SLC25A29: variants seen among roughly 807,000 people sequenced by gnomAD.
The protein encoded by SLC25A29 is solute carrier family 25 member 29.
A neutral mutation model predicts 10.0 loss-of-function variants in SLC25A29; 13 were observed. That is an observed-to-expected ratio of 1.30 (90% CI 0.85 to 2.07). The LOEUF (loss-of-function observed/expected upper bound fraction) is 2.07, where lower values mean the gene tolerates loss of function less well. Ranked by LOEUF, SLC25A29 falls within the 30% of genes most tolerant of loss-of-function variation. SLC25A29 has a pLI of 0.00. For missense variants in SLC25A29, 475 were observed against 447.6 expected, an observed-to-expected ratio of 1.06 and a Z score of -0.55; for synonymous variants, 244 against 221.1, an observed-to-expected ratio of 1.10 and a Z score of -0.92.
intron 3 of SLC25A29, 114 bp downstream of exon 3, chr14:100,293,180 C>T: frequency 6.8e-7 from 1 of 1,468,152 alleles, no homozygotes; most frequent in South Asian, 1.3e-5. Context: ...TCCTGACTGG[C>T]CTCCTGGTCG....
downstream of SLC25A29, among the ~76,000 whole-genome samples, chr14:100,288,277 G>A (rs1891585154): frequency 6.6e-6 from 1 of 151,274 alleles, no homozygotes; most frequent in Non-Finnish European, 1.5e-5. Flanking sequence ...AGCTTCTCAG[G>A]AGGCTGAGGC....
chr14:100,284,521 C>T, the SLC25A29 span, among the ~76,000 whole-genome samples: 1 of 152,202 alleles, frequency 6.6e-6, no homozygotes, highest in Non-Finnish European at 1.5e-5. Context: ...CCCTCAGAGC[C>T]CAGTCCTGGC....
downstream of SLC25A29, among the ~76,000 whole-genome samples, chr14:100,289,958 G>A (rs1225822332): frequency 1.3e-5 from 2 of 152,110 alleles, no homozygotes; most frequent in Non-Finnish European, 2.9e-5. Flanking sequence ...CGCTGAACTG[G>A]GAAGTGGGAG....
chr14:100,288,833 T>C (rs563628912), downstream of SLC25A29, among the ~76,000 whole-genome samples: 7 of 152,218 alleles, frequency 4.6e-5, no homozygotes, highest in Non-Finnish European at 7.4e-5. Flanking sequence ...CAGAGCCCTG[T>C]TGAAGGTTGG....
intron 1 of SLC25A29, chr14:100,299,308 T>A (rs750054602): frequency 1.3e-5 from 13 of 1,024,972 alleles, no homozygotes; most frequent in Middle Eastern, 4.8e-4. Flanking sequence ...GATTTGAATT[T>A]TCCCCCTGCC....
intron 2 of SLC25A29, chr14:100,294,144 G>T (rs780128037): frequency 4.6e-5 from 7 of 152,182 alleles, no homozygotes; most frequent in Admixed American, 2.6e-4. Flanking sequence ...AATGACCTTG[G>T]CTCCAGGAGC....
rs1398102253 is a variant in SLC25A29, at chr14:100,302,006, T to C, written c.35-3121A>G. 4.0e-5 allele frequency among the ~76,000 whole-genome samples: 6 copies of C among 151,620 alleles called. No individual in the cohort carries two copies. The East Asian group carries it at 1.2e-3, about 29-fold the overall frequency. Reference sequence around the variant, plus strand: ...TGCACAACGATGCCCTCTCCTTCAATCTTGGGGTCTCTACTCATCAACTGC... The same window carrying C: ...TGCACAACGATGCCCTCTCCTTCAACCTTGGGGTCTCTACTCATCAACTGC... On this transcript the variant is annotated intron_variant, in intron 1 of 3. Coordinates refer to ENST00000359232, the MANE Select transcript of SLC25A29 (RefSeq NM_001039355.3).
At chr14:100,298,769 TC>T in intron 2 of SLC25A29, 72 bp downstream of exon 2, 1 of 1,595,974 alleles carries the variant, frequency 6.3e-7, no homozygotes. Flanking sequence ...GAAACAGGCT[TC>T]CAGCCACCCC....
intron 2 of SLC25A29, chr14:100,295,849 C>T (rs1248795913): frequency 7.8e-7 from 1 of 1,289,766 alleles, no homozygotes; most frequent in African/African-American, 1.5e-5. Context: ...ACAACTGCTC[C>T]CTGATTATTG....
At chr14:100,301,712 T>G (rs1007469447) in intron 1 of SLC25A29, among the ~76,000 whole-genome samples, 1 of 150,132 alleles carries the variant, frequency 6.7e-6, no homozygotes, top group Non-Finnish European at 1.5e-5. Flanking sequence ...GGTTTCACCT[T>G]TGTTAGCCAG....
intron 2 of SLC25A29, chr14:100,298,543 C>T (rs1241300903): frequency 6.0e-6 from 3 of 497,290 alleles, no homozygotes; most frequent in Non-Finnish European, 1.1e-5. Flanking sequence ...TTTCAAGGAA[C>T]TGTTTGGGAG....
At chr14:100,284,845 G>A in the SLC25A29 span, among the ~76,000 whole-genome samples, 1 of 152,154 alleles carries the variant, frequency 6.6e-6, no homozygotes, top group East Asian at 1.9e-4. Context: ...TTTGAGACGA[G>A]CCTGACCAAA....
chr14:100,286,470 TG>T (rs397961103), downstream of SLC25A29, among the ~76,000 whole-genome samples: 1,558 of 80,372 alleles, frequency 0.019, 69 homozygotes, highest in African/African-American at 0.081. Flanking sequence ...AGAGCATGGC[TG>T]GGGGGGGGGG....
At chr14:100,294,245 G>C (rs374886383) in intron 2 of SLC25A29, 1 of 152,262 alleles carries the variant, frequency 6.6e-6, no homozygotes, top group East Asian at 1.9e-4. Context: ...AACCTCCTTG[G>C]GGACCCACGT....
In SLC25A29 at chr14:100,292,130, A is replaced by C. The variant is rs1295888931; in HGVS notation, c.*153T>G. 1 of 1,031,702 alleles carries C rather than the reference A, an allele frequency of 9.7e-7. No individual in the cohort carries two copies. The allele number at this position is 1,031,702 out of a possible 1,614,324, so 63.9% of individuals were successfully genotyped here. A position where few individuals can be genotyped will look rare whatever the true frequency, so the allele number is the denominator to read the frequency against. ...ACTGAGGCAAGTGCAGTTCTCGGCC[A>C]AAACTACCCAGCTGATCAGCAAAAT... is the stretch of plus-strand genomic sequence containing the variant. On this transcript the variant is annotated 3_prime_UTR_variant, in exon 4 of 4. Coordinates refer to ENST00000359232, the MANE Select transcript of SLC25A29 (RefSeq NM_001039355.3).
At chr14:100,283,801 ACC>A in the SLC25A29 span, among the ~76,000 whole-genome samples, 2 of 151,012 alleles carry the variant, frequency 1.3e-5, no homozygotes, top group Non-Finnish European at 3.0e-5. Context: ...TTCTTTAGAA[ACC>A]CCTAGATACA....
intron 1 of SLC25A29, among the ~76,000 whole-genome samples, chr14:100,301,174 CAG>C (rs1892519004): frequency 6.6e-6 from 1 of 152,186 alleles, no homozygotes; most frequent in Admixed American, 6.5e-5. Context: ...GCTGGGATTA[CAG>C]ACTTTAGCCA....
intron 2 of SLC25A29, 152 bp from the exon 3 acceptor site, chr14:100,293,529 C>G: frequency 1.7e-6 from 1 of 605,622 alleles, no homozygotes; most frequent in Non-Finnish European, 2.9e-6. Flanking sequence ...CAGGGTGGGC[C>G]GGGTATCTAT....
At chr14:100,299,878 G>A (rs1892426387) in intron 1 of SLC25A29, 2 of 985,388 alleles carry the variant, frequency 2.0e-6, no homozygotes, top group Non-Finnish European at 1.2e-6. Context: ...CTAACATTAC[G>A]ACCCATTCTC....
Sources: allele counts gnomAD v4.1 joint callset (sites outside exome capture counted in the v4.1 genomes callset), GRCh38; gene constraint gnomAD v4.1.1; transcripts MANE v1.5; gene names NCBI Gene and HGNC (gene_info 2026-07-23, HGNC 2026-07-21).